NLRP4: variants seen among roughly 807,000 people sequenced by gnomAD.
NLRP4 encodes the protein NLR family pyrin domain containing 4.
In NLRP4, 44 loss-of-function variants were observed where a neutral mutation model predicts 84.7. The ratio of observed to expected loss-of-function variants is 0.52; its 90% CI spans 0.41 to 0.67. The LOEUF is 0.67. Ranked by LOEUF, NLRP4 falls within the 30% of genes least tolerant of loss-of-function variation. The pLI, the probability that NLRP4 is intolerant of heterozygous loss-of-function variation, is 0.00. For synonymous variants in NLRP4, 544 were observed against 476.4 expected (o/e 1.14, Z -1.85); for missense variants, 1,260 against 1,219.4 (o/e 1.03, Z -0.50).
At chr19:55,842,994 C>G (rs562839947) in intron 1 of NLRP4, among the ~76,000 whole-genome samples, 1 of 151,174 alleles carries the variant, frequency 6.6e-6, no homozygotes, top group African/African-American at 2.4e-5. Flanking sequence ...CTCCTGACCT[C>G]GTGATCCGCC....
At chr19:55,850,251 G>C in intron 1 of NLRP4, among the ~76,000 whole-genome samples, 1 of 137,378 alleles carries the variant, frequency 7.3e-6, no homozygotes, top group African/African-American at 3.0e-5. Flanking sequence ...TGTAATTTCC[G>C]AGGCTGCGGT....
intron 6 of NLRP4, 107 bp downstream of exon 6, chr19:55,867,983 T>A: frequency 1.0e-6 from 1 of 969,204 alleles, no homozygotes. Context: ...AGCGGAGGTT[T>A]AAAAGCTCAC....
intron 1 of NLRP4, among the ~76,000 whole-genome samples, chr19:55,850,765 A>C (rs111230336): frequency 0.087 from 5,566 of 63,670 alleles, 2,038 homozygotes; most frequent in East Asian, 0.23. Context: ...CTGCGGTGTA[A>C]TTTCCGAGGC....
intron 7 of NLRP4, among the ~76,000 whole-genome samples, chr19:55,874,069 A>G (rs1049634336): frequency 6.6e-6 from 1 of 152,130 alleles, no homozygotes; most frequent in Non-Finnish European, 1.5e-5. Flanking sequence ...AAGATCAGAA[A>G]CCTGCAGGGT....
chr19:55,844,239 T>C (rs1218783405), intron 1 of NLRP4, among the ~76,000 whole-genome samples: 9 of 152,138 alleles, frequency 5.9e-5, no homozygotes, highest in Non-Finnish European at 5.9e-5. Flanking sequence ...TGTGGCATGG[T>C]ATCCTCTTCC....
chr19:55,863,467 G>T (rs1984839341), intron 5 of NLRP4, among the ~76,000 whole-genome samples: 1 of 152,130 alleles, frequency 6.6e-6, no homozygotes, highest in Admixed American at 6.5e-5. Context: ...GGGGGAGCAG[G>T]AAGAAGAGAG....
At chr19:55,856,713 A>G (rs921798624) in intron 2 of NLRP4, among the ~76,000 whole-genome samples, 1 of 152,010 alleles carries the variant, frequency 6.6e-6, no homozygotes, top group African/African-American at 2.4e-5. Flanking sequence ...ACAGGGTTTC[A>G]CCATGTTGGC....
chr19:55,849,994 ACTGCGGTGTGATTTCCGAGAC>A (rs1983986989), intron 1 of NLRP4, among the ~76,000 whole-genome samples: 2 of 10,262 alleles, frequency 1.9e-4, no homozygotes, highest in African/African-American at 3.1e-4. Flanking sequence ...AATTTCCGAG[ACTGCGGTGTGATTTCCGAGAC>A]TGCGGTGTGA....
Position 55,852,149 on chromosome 19 carries a change from C to G in NLRP4, c.69C>G (p.Phe23Leu), listed in dbSNP as rs759611908. The change falls in exon 2 of 10, where the codon TTC becomes TTG. Residue 23 changes from phenylalanine to leucine, a missense_variant. By Grantham distance (22) the Phe-to-Leu change is conservative. This residue lies in a region of NLRP4 where 712 missense variants were observed against 669.2 expected (regional missense o/e 1.06). Coordinates refer to ENST00000301295, the MANE Select transcript of NLRP4 (RefSeq NM_134444.5). ...WYLEELKKEE[F>L]RKFKEHLKQM... ...TGGAGGAGCTCAAAAAGGAGGAGTTCAGGAAATTTAAAGAACATCTCAAGC... is the reference window on the plus strand; with the variant it reads ...TGGAGGAGCTCAAAAAGGAGGAGTTGAGGAAATTTAAAGAACATCTCAAGC... 1 of 1,607,426 alleles carries G rather than the reference C, an allele frequency of 6.2e-7. No individual in the cohort carries two copies. The highest frequency in any genetic ancestry group is 8.5e-7 in the Non-Finnish European group (1 of 1,177,744).
intron 7 of NLRP4, among the ~76,000 whole-genome samples, chr19:55,875,899 T>C (rs1440385855): frequency 6.7e-6 from 1 of 150,020 alleles, no homozygotes; most frequent in African/African-American, 2.5e-5. Flanking sequence ...TAGCTGGGTA[T>C]GATGGTGGAT....
rs374023533 is a variant in NLRP4, at chr19:55,881,514, C to T, written c.2912C>T (p.Thr971Met). The change falls in exon 10 of 10, where the codon ACG becomes ATG. Residue 971 changes from threonine to methionine, a missense_variant. Transcript: ENST00000301295. ...DFDEETQALL[T>M]AEEERNPNLT... ...GATGAGGAAACCCAGGCACTTCTGA[C>T]GGCTGAGGAAGAGAGAAATCCTAAC... The T allele has an allele frequency of 5.2e-5, 84 of 1,609,354 alleles. No individual in the cohort carries two copies. Among genetic ancestry groups the T allele is most frequent in the South Asian group, 8.8e-5 (8 of 90,958 alleles).
chr19:55,865,168 C>G lies in NLRP4; in HGVS notation c.2187-2541C>G, dbSNP rs376525098. Among the ~76,000 whole-genome samples, 368 of 152,250 alleles carry G rather than the reference C, an allele frequency of 2.4e-3. 3 individuals are homozygous for G. Among genetic ancestry groups the G allele is most frequent in the African/African-American group, 8.7e-3 (363 of 41,530 alleles). On this transcript the variant is annotated intron_variant, in intron 5 of 9. Transcript: ENST00000301295. ...TCTGCTCTCAAGTAGGCCCTGGTGT[C>G]TGTTGTCCTTTTCTTCATGTCTATA...
At chr19:55,879,044 C>A in intron 9 of NLRP4, 80 bp downstream of exon 9, 1 of 1,108,778 alleles carries the variant, frequency 9.0e-7, no homozygotes, top group Non-Finnish European at 1.3e-6. Flanking sequence ...AGTGTAATCA[C>A]GTTGCATTTA....
At chr19:55,838,928 G>A (rs776151282) in intron 1 of NLRP4, among the ~76,000 whole-genome samples, 1 of 150,502 alleles carries the variant, frequency 6.6e-6, no homozygotes, top group Non-Finnish European at 1.5e-5. Flanking sequence ...CAAGTAGACC[G>A]AACATGGAAA....
Position 55,850,083 on chromosome 19 carries a change from T to TG in NLRP4, c.-65-1933_-65-1932insG, listed in dbSNP as rs1984003860. On this transcript the variant is annotated intron_variant, in intron 1 of 9. Transcript: ENST00000301295. ...CGGTGGAATTTCCGAGACTGCGGTG[T>TG]AATTTCCGTGGCTGCGGTGTAATTA... 1.5e-4 allele frequency among the ~76,000 whole-genome samples: 16 copies of TG among 106,514 alleles called. 6 individuals are homozygous for TG. Among genetic ancestry groups the TG allele is most frequent in the African/African-American group, 5.9e-4 (13 of 21,916 alleles). The allele number at this position is 106,514 out of a possible 152,430, so 69.9% of individuals were successfully genotyped here. A position where few individuals can be genotyped will look rare whatever the true frequency, so the allele number is the denominator to read the frequency against.
At chr19:55,838,170 C>T (rs577329183) in intron 1 of NLRP4, among the ~76,000 whole-genome samples, 2 of 151,292 alleles carry the variant, frequency 1.3e-5, no homozygotes, top group Non-Finnish European at 2.9e-5. Flanking sequence ...ACTGTGGTGG[C>T]GCATGCCTGT....
chr19:55,874,605 G>C (rs1450256435), intron 7 of NLRP4, among the ~76,000 whole-genome samples: 2 of 152,134 alleles, frequency 1.3e-5, no homozygotes. Context: ...AAATGAATCA[G>C]TCAAATCTTT....
intron 5 of NLRP4, among the ~76,000 whole-genome samples, chr19:55,862,906 G>A (rs1984817234): frequency 6.6e-6 from 1 of 152,234 alleles, no homozygotes; most frequent in Non-Finnish European, 1.5e-5. Context: ...CCCAATTGAT[G>A]TAGCCATTTC....
chr19:55,864,711 C>CT (rs1401327848), intron 5 of NLRP4, among the ~76,000 whole-genome samples: 2 of 147,584 alleles, frequency 1.4e-5, no homozygotes, highest in Non-Finnish European at 3.0e-5. Context: ...CACATCTTTG[C>CT]TTATTTTTTA....
Sources: allele counts gnomAD v4.1 joint callset (sites outside exome capture counted in the v4.1 genomes callset), GRCh38; gene constraint gnomAD v4.1.1; regional missense constraint gnomAD v4.1.1; transcripts MANE v1.5; gene names NCBI Gene and HGNC (gene_info 2026-07-23, HGNC 2026-07-21).